Variants in PPP3CB observed in about 807,000 individuals in gnomAD.
The protein encoded by PPP3CB is serine/threonine-protein phosphatase 2B catalytic subunit beta isoform.
In PPP3CB, 8 loss-of-function variants were observed where a neutral mutation model predicts 66.4. The observed-to-expected ratio is 0.12, with a 90% CI of 0.07 to 0.22. The LOEUF (loss-of-function observed/expected upper bound fraction) is 0.22, where lower values mean the gene tolerates loss of function less well. PPP3CB is among the 10% of genes least tolerant of loss of function. The probability of loss-of-function intolerance (pLI) is 1.00; values close to 1 mark genes in which losing one functional copy is unlikely to be tolerated. For missense variants in PPP3CB, 319 were observed against 642.5 expected (o/e 0.50, Z 5.44); for synonymous variants, 208 against 221.2 (o/e 0.94, Z 0.53).
intron 1 of PPP3CB, among the ~76,000 whole-genome samples, chr10:73,493,464 A>G (rs1193217795): frequency 6.6e-6 from 1 of 152,204 alleles, no homozygotes; most frequent in African/African-American, 2.4e-5. Flanking sequence ...TCAGGCAACC[A>G]GTATTCTCTA....
chr10:73,442,537 A>G (rs2056165641), intron 12 of PPP3CB, among the ~76,000 whole-genome samples: 1 of 152,186 alleles, frequency 6.6e-6, no homozygotes, highest in Non-Finnish European at 1.5e-5. Context: ...AGAGTATAAT[A>G]TTTTTGAAGC....
intron 9 of PPP3CB, among the ~76,000 whole-genome samples, chr10:73,462,756 C>T (rs1467847349): frequency 6.6e-6 from 1 of 151,744 alleles, no homozygotes; most frequent in Non-Finnish European, 1.5e-5. Context: ...TCAAGAGCAG[C>T]CTGGCCAACA....
intron 10 of PPP3CB, among the ~76,000 whole-genome samples, chr10:73,453,894 C>T (rs77505294): frequency 2.9e-4 from 44 of 152,126 alleles, no homozygotes; most frequent in African/African-American, 1.0e-3. Flanking sequence ...TAACAACAAC[C>T]ATGTATAACT....
At chr10:73,448,658 C>G (rs374555193) in intron 10 of PPP3CB, 15 of 533,248 alleles carry the variant, frequency 2.8e-5, no homozygotes, top group Non-Finnish European at 4.6e-5. Flanking sequence ...TCTGTCTGGT[C>G]TGTACCTTTT....
intron 1 of PPP3CB, among the ~76,000 whole-genome samples, chr10:73,491,277 C>A (rs1011538706): frequency 6.6e-6 from 1 of 152,024 alleles, no homozygotes; most frequent in Admixed American, 6.6e-5. Flanking sequence ...GATCCACCTG[C>A]CTCAGCCTCC....
intron 9 of PPP3CB, among the ~76,000 whole-genome samples, chr10:73,464,773 T>C (rs1215287411): frequency 6.6e-6 from 1 of 151,786 alleles, no homozygotes; most frequent in African/African-American, 2.4e-5. Flanking sequence ...CTCTACTAAA[T>C]ATACAAAAAT....
intron 1 of PPP3CB, among the ~76,000 whole-genome samples, chr10:73,481,529 G>C (rs1442018382): frequency 6.6e-6 from 1 of 150,376 alleles, no homozygotes; most frequent in Non-Finnish European, 1.5e-5. Context: ...GTATTTTCCT[G>C]ATGCTTTAGG....
chr10:73,485,747 T>G (rs923350436), intron 1 of PPP3CB, among the ~76,000 whole-genome samples: 4 of 152,138 alleles, frequency 2.6e-5, no homozygotes, highest in African/African-American at 9.7e-5. Context: ...AATCTCTTTT[T>G]TTGTTGTTTT....
intron 4 of PPP3CB, 88 bp downstream of exon 4, chr10:73,474,831 G>A: frequency 6.6e-7 from 1 of 1,512,322 alleles, no homozygotes; most frequent in Non-Finnish European, 8.9e-7. Flanking sequence ...CTTACATGTT[G>A]CACTGTAAAG....
chr10:73,470,008 C>A (rs936396391), intron 8 of PPP3CB, among the ~76,000 whole-genome samples: 1 of 152,116 alleles, frequency 6.6e-6, no homozygotes, highest in African/African-American at 2.4e-5. Flanking sequence ...TAGATTAAGA[C>A]CCTTTGGCAC....
intron 1 of PPP3CB, among the ~76,000 whole-genome samples, chr10:73,493,284 A>T (rs886934040): frequency 2.0e-5 from 3 of 152,070 alleles, no homozygotes; most frequent in Non-Finnish European, 4.4e-5. Context: ...TCAAAAAAAA[A>T]AAAAAAATTC....
chr10:73,475,073 G>GT (rs748076645), intron 3 of PPP3CB, 43 bp from the exon 4 acceptor site: 1 of 1,590,828 alleles, frequency 6.3e-7, no homozygotes, highest in African/African-American at 1.4e-5. Flanking sequence ...TTGTACTTTT[G>GT]TTTAATGAAG....
At chr10:73,487,288 C>T (rs987121623) in intron 1 of PPP3CB, among the ~76,000 whole-genome samples, 1 of 152,020 alleles carries the variant, frequency 6.6e-6, no homozygotes. Flanking sequence ...TGGCTCATGC[C>T]TGTAATCCCA....
At chr10:73,462,887 T>C (rs944603271) in intron 9 of PPP3CB, among the ~76,000 whole-genome samples, 1 of 130,328 alleles carries the variant, frequency 7.7e-6, no homozygotes, top group Non-Finnish European at 1.5e-5. Context: ...GAAATGGAGA[T>C]TGCAGTGAGC....
At chr10:73,482,220 A>G (rs991673386) in intron 1 of PPP3CB, among the ~76,000 whole-genome samples, 1 of 149,920 alleles carries the variant, frequency 6.7e-6, no homozygotes, top group Non-Finnish European at 1.5e-5. Flanking sequence ...TTTTTTTAGC[A>G]CTCTACTTGG....
chr10:73,487,175 A>C (rs765765004), intron 1 of PPP3CB, among the ~76,000 whole-genome samples: 1 of 152,022 alleles, frequency 6.6e-6, no homozygotes, highest in Non-Finnish European at 1.5e-5. Flanking sequence ...CTCAAAAGAA[A>C]ACTAGTCATC....
In PPP3CB at chr10:73,437,924, G is replaced by C. The variant is rs1249078236; in HGVS notation, c.*318C>G. The C allele has an allele frequency of 4.3e-6, 1 of 234,586 alleles. No homozygotes were observed. Among genetic ancestry groups the C allele is most frequent in the Non-Finnish European group, 8.1e-6 (1 of 122,886 alleles). 14.5% of individuals were successfully genotyped at this position (234,586 alleles called of 1,614,324 possible). A position where few individuals can be genotyped will look rare whatever the true frequency, so the allele number is the denominator to read the frequency against. On this transcript the variant is annotated 3_prime_UTR_variant, in exon 14 of 14. Coordinates refer to ENST00000360663, the MANE Select transcript of PPP3CB (RefSeq NM_021132.4). ...AAACAAAATCTAATTCTACTGAAGG[G>C]GAAAAGAAATCTGATTTGTAAACTT...
At chr10:73,490,232 A>C (rs1283716093) in intron 1 of PPP3CB, among the ~76,000 whole-genome samples, 1 of 152,198 alleles carries the variant, frequency 6.6e-6, no homozygotes, top group Non-Finnish European at 1.5e-5. Context: ...AGACCATTCC[A>C]GTCCAGAGTC....
At chr10:73,487,580 A>C (rs1167289107) in intron 1 of PPP3CB, among the ~76,000 whole-genome samples, 2 of 151,058 alleles carry the variant, frequency 1.3e-5, no homozygotes, top group Non-Finnish European at 2.9e-5. Flanking sequence ...AAAAAAAAAA[A>C]AAAACAAACA....
Sources: gnomAD v4.1 joint callset for allele counts (sites outside exome capture counted in the v4.1 genomes callset) on GRCh38, gnomAD v4.1.1 for gene constraint, MANE v1.5 for transcripts, NCBI Gene and HGNC (gene_info 2026-07-23, HGNC 2026-07-21) for gene names.